The following BCAS3 variants were observed in gnomAD, a reference collection of about 807,000 sequenced individuals.
BCAS3 encodes the protein BCAS3 microtubule associated cell migration factor.
In BCAS3, 53 loss-of-function variants were observed where a neutral mutation model predicts 116.1. That is an observed-to-expected ratio of 0.46 (90% CI 0.37 to 0.57). The LOEUF (loss-of-function observed/expected upper bound fraction) is 0.57, where lower values mean the gene tolerates loss of function less well. Ranked by LOEUF, BCAS3 falls within the 20% of genes least tolerant of loss-of-function variation. The pLI is 0.00. For synonymous variants in BCAS3, 391 were observed against 408.2 expected, an observed-to-expected ratio of 0.96 and a Z score of 0.51; for missense variants, 917 against 1,165.4, an observed-to-expected ratio of 0.79 and a Z score of 3.10.
At chr17:60,919,921 T>A (rs2058984705) in intron 12 of BCAS3, among the ~76,000 whole-genome samples, 1 of 152,100 alleles carries the variant, frequency 6.6e-6, no homozygotes, top group African/African-American at 2.4e-5. Flanking sequence ...AAAAATATTT[T>A]CTAAACACAA....
At position 61,391,603 on chromosome 17, in the gene BCAS3, A is replaced by C; in HGVS notation, c.2594-374A>C. ...CCTGCCTCCCCTGTAGAGCCGGGAC[A>C]GAAGGCACTGTGGAGTTGGGGGCAT... On this transcript the variant is annotated intron_variant, in intron 23 of 23. Transcript: ENST00000407086. This position sits in a 1 kb window ranked among gnomAD's most constrained non-coding sequence, Gnocchi z 7.7. The C allele has an allele frequency of 5.4e-6, 1 of 185,712 alleles. No homozygotes were observed. Among genetic ancestry groups the C allele is most frequent in the Non-Finnish European group, 1.1e-5 (1 of 90,722 alleles). The allele number at this position is 185,712 out of a possible 1,614,324, so 11.5% of individuals were successfully genotyped here. A position where few individuals can be genotyped will look rare whatever the true frequency, so the allele number is the denominator to read the frequency against.
rs543362700 is a variant in BCAS3 at position 60,792,745 on chromosome 17, T to G, written c.404-15259T>G. ...CTGCAAATGCTGGCTCACTTCTGCT[T>G]TGTGTTATGAGTTGAAGCTGACTGA... On this transcript the variant is annotated intron_variant, in intron 6 of 23. Coordinates refer to ENST00000407086, the MANE Select transcript of BCAS3 (RefSeq NM_017679.5). Among the ~76,000 whole-genome samples, 5 of 152,198 alleles carry G rather than the reference T, an allele frequency of 3.3e-5. No homozygotes were observed. In the South Asian group the frequency reaches 8.3e-4, roughly 25 times the overall value.
rs187755735 is a variant in BCAS3, at chr17:61,007,609, C to G, written c.1487-8142C>G. ...GAAAGTACACTTTTAATTCTAGTGA[C>G]ATTTAATAAGCCCTAGGCAAAGCTC... On this transcript the variant is annotated intron_variant, in intron 15 of 23. Coordinates refer to ENST00000407086, the MANE Select transcript of BCAS3 (RefSeq NM_017679.5). This position sits in a 1 kb window ranked among gnomAD's most constrained non-coding sequence, Gnocchi z 4.3. Among the ~76,000 whole-genome samples, 1 of 151,606 alleles carries G rather than the reference C, an allele frequency of 6.6e-6. No individual in the cohort carries two copies. Among genetic ancestry groups the G allele is most frequent in the African/African-American group, 2.4e-5 (1 of 41,230 alleles).
chr17:60,797,793 G>C (rs6503996), intron 6 of BCAS3, among the ~76,000 whole-genome samples: 3 of 151,902 alleles, frequency 2.0e-5, no homozygotes, highest in Non-Finnish European at 4.4e-5. Flanking sequence ...GTTTTAATTA[G>C]TAAGCTTTAT....
rs777304870 is a variant in BCAS3, at chr17:61,376,053, G to A, written c.2593+7559G>A. Among the ~76,000 whole-genome samples the A allele has an allele frequency of 2.0e-5, 3 of 152,208 alleles. No individual in the cohort carries two copies. Among genetic ancestry groups the A allele is most frequent in the Non-Finnish European group, 4.4e-5 (3 of 68,052 alleles). On this transcript the variant is annotated intron_variant, in intron 23 of 23. Transcript: ENST00000407086. This position sits in a 1 kb window ranked among gnomAD's most constrained non-coding sequence, Gnocchi z 4.5. ...ATTTTTAAAATCTGCAATTTAGAGA[G>A]AACTTTATCCAGTCCAGCCCTAGGG...
chr17:61,237,117 G>T (rs2083122435), intron 22 of BCAS3, among the ~76,000 whole-genome samples: 1 of 152,166 alleles, frequency 6.6e-6, no homozygotes, highest in African/African-American at 2.4e-5. Context: ...AAGCCAGCTG[G>T]ACTTCTGGGT....
chr17:60,869,017 T>G (rs1343314219), intron 8 of BCAS3, among the ~76,000 whole-genome samples: 2 of 152,204 alleles, frequency 1.3e-5, no homozygotes, highest in African/African-American at 4.8e-5. Context: ...TTATATGTAT[T>G]TTGTGTATGC....
At chr17:60,827,002 G>A (rs900085071) in intron 7 of BCAS3, among the ~76,000 whole-genome samples, 2 of 152,118 alleles carry the variant, frequency 1.3e-5, no homozygotes, top group Admixed American at 6.5e-5. Context: ...TAGGTTTAAC[G>A]TAAGGTTTAT....
intron 5 of BCAS3, among the ~76,000 whole-genome samples, chr17:60,710,430 CAT>C (rs2037720064): frequency 6.7e-6 from 1 of 149,072 alleles, no homozygotes; most frequent in African/African-American, 2.5e-5. Context: ...AATTCTTTAA[CAT>C]TTTTTTTTTT....
intron 6 of BCAS3, among the ~76,000 whole-genome samples, chr17:60,780,557 C>A (rs1330251032): frequency 6.6e-6 from 1 of 151,782 alleles, no homozygotes; most frequent in Non-Finnish European, 1.5e-5. Flanking sequence ...CCTGCCTTAG[C>A]CCCCCAAAGT....
At chr17:61,334,200 G>A (rs1258239120) in intron 22 of BCAS3, among the ~76,000 whole-genome samples, 1 of 152,176 alleles carries the variant, frequency 6.6e-6, no homozygotes, top group East Asian at 1.9e-4. Flanking sequence ...CTTGAACACA[G>A]ATGAGAGAGG....
intron 11 of BCAS3, among the ~76,000 whole-genome samples, chr17:60,908,008 TC>T (rs2058278801): frequency 6.6e-6 from 1 of 152,222 alleles, no homozygotes; most frequent in Non-Finnish European, 1.5e-5. Context: ...CCAGCACTTT[TC>T]TCTAACACCC....
intron 17 of BCAS3, chr17:61,036,327 T>C (rs1466505767): frequency 6.6e-6 from 1 of 152,214 alleles, no homozygotes; most frequent in African/African-American, 2.4e-5. Flanking sequence ...TCTCTTGTTA[T>C]CGCCTTTCAG....
rs938051437 is a variant in BCAS3, at chr17:61,282,419, G to A, written c.2426-85908G>A. Among the ~76,000 whole-genome samples, 2 of 152,184 alleles carry A rather than the reference G, an allele frequency of 1.3e-5. No individual in the cohort carries two copies. Among genetic ancestry groups the A allele is most frequent in the Non-Finnish European group, 2.9e-5 (2 of 68,042 alleles). On this transcript the variant is annotated intron_variant, in intron 22 of 23. Transcript: ENST00000407086. The surrounding 1 kb of genome is among the most constrained non-coding windows in gnomAD (Gnocchi z 5.9). The stretch of plus-strand genomic sequence containing the variant: ...ACTAGTACCTTTTAAGAGTAGGATG[G>A]TTGGAAAAAGTGGGCAGGACATTTG...
chr17:61,168,764 A>G (rs954365112), intron 22 of BCAS3, among the ~76,000 whole-genome samples: 1 of 152,222 alleles, frequency 6.6e-6, no homozygotes, highest in Non-Finnish European at 1.5e-5. Context: ...GAAGGCTTAT[A>G]GTCATTGCAA....
intron 7 of BCAS3, chr17:60,810,609 C>T: frequency 1.4e-6 from 1 of 706,538 alleles, no homozygotes; most frequent in Non-Finnish European, 2.6e-6. Context: ...TGGACAGTGC[C>T]TGCATCGTTC....
At chr17:61,152,496 C>T (rs1310619685) in intron 22 of BCAS3, among the ~76,000 whole-genome samples, 1 of 152,098 alleles carries the variant, frequency 6.6e-6, no homozygotes, top group Admixed American at 6.5e-5. Context: ...CAGATGGCTT[C>T]ACCTCTCAGT....
Position 61,028,763 on chromosome 17 carries a change from T to A in BCAS3, c.1638-5903T>A, listed in dbSNP as rs1380041349. Among the ~76,000 whole-genome samples the A allele has an allele frequency of 6.6e-6, 1 of 151,934 alleles. No homozygotes were observed. Among genetic ancestry groups the A allele is most frequent in the African/African-American group, 2.4e-5 (1 of 41,454 alleles). ...ATATTAAATATAGTAGACTTTTAAA[T>A]CATTGCCTGTCTTTTAGAAGACTGC... is the stretch of plus-strand genomic sequence containing the variant. On this transcript the variant is annotated intron_variant, in intron 16 of 23. Coordinates refer to ENST00000407086, the MANE Select transcript of BCAS3 (RefSeq NM_017679.5). This position sits in a 1 kb window ranked among gnomAD's most constrained non-coding sequence, Gnocchi z 4.3.
At chr17:60,690,974 C>T (rs918831315) in intron 4 of BCAS3, among the ~76,000 whole-genome samples, 2 of 151,910 alleles carry the variant, frequency 1.3e-5, no homozygotes, top group East Asian at 1.9e-4. Flanking sequence ...ACTCTGTCGC[C>T]CAGGCTGGAG....
Sources: gnomAD v4.1 joint callset for allele counts (sites outside exome capture counted in the v4.1 genomes callset) on GRCh38, gnomAD v4.1.1 for gene constraint, Gnocchi (gnomAD v3.1) non-coding constraint, MANE v1.5 for transcripts, NCBI Gene and HGNC (gene_info 2026-07-23, HGNC 2026-07-21) for gene names.